Variants in SGMS1 observed in about 807,000 individuals in gnomAD.
SGMS1 encodes phosphatidylcholine:ceramide cholinephosphotransferase 1.
Under a neutral mutation model 46.2 loss-of-function variants are expected in SGMS1, and 13 were observed. The ratio of observed to expected loss-of-function variants is 0.28; its 90% CI spans 0.18 to 0.45. The LOEUF (loss-of-function observed/expected upper bound fraction) is 0.45, where lower values mean the gene tolerates loss of function less well. Ranked by LOEUF, SGMS1 falls within the 20% of genes least tolerant of loss-of-function variation. The pLI, the probability that SGMS1 is intolerant of heterozygous loss-of-function variation, is 1.00. For synonymous variants in SGMS1, 203 were observed against 187.8 expected (o/e 1.08, Z -0.66); for missense variants, 324 against 519.9 (o/e 0.62, Z 3.66).
intron 5 of SGMS1, among the ~76,000 whole-genome samples, chr10:50,445,869 T>C: frequency 6.6e-6 from 1 of 152,116 alleles, no homozygotes. Context: ...AGGAGAAATA[T>C]CACTGAATTC....
At chr10:50,589,678 C>T (rs1037175324) in intron 2 of SGMS1, among the ~76,000 whole-genome samples, 1 of 152,030 alleles carries the variant, frequency 6.6e-6, no homozygotes, top group Non-Finnish European at 1.5e-5. Context: ...CACCTTGTTG[C>T]CTAGGCTGAT....
rs531298950 is a variant in SGMS1 at position 50,326,154 on chromosome 10, AAAAAAAATT to A, written c.741+1042_741+1050del. ...AAGGAAGTAGTGTGTAGCAAAAAAT[AAAAAAAATT>A]AAAAAAATTAAAAAATTAAAAAAAG... On this transcript the variant is annotated intron_variant, in intron 8 of 10. Coordinates refer to ENST00000361781, the MANE Select transcript of SGMS1 (RefSeq NM_147156.4). 7.6e-3 allele frequency among the ~76,000 whole-genome samples: 1,161 copies of A among 152,146 alleles called. 3 individuals are homozygous for A. Among genetic ancestry groups the A allele is most frequent in the Non-Finnish European group, 0.012 (824 of 68,006 alleles).
chr10:50,385,663 A>G (rs1230868003), intron 6 of SGMS1, among the ~76,000 whole-genome samples: 1 of 152,230 alleles, frequency 6.6e-6, no homozygotes, highest in African/African-American at 2.4e-5. Context: ...ATTACAAAAA[A>G]AAAGGTGACT....
At chr10:50,487,868 T>G (rs1837534643) in intron 3 of SGMS1, among the ~76,000 whole-genome samples, 1 of 152,110 alleles carries the variant, frequency 6.6e-6, no homozygotes, top group Non-Finnish European at 1.5e-5. Flanking sequence ...TTTATCCAAT[T>G]GAAGGCCTAA....
chr10:50,518,361 C>G (rs1204924854), intron 3 of SGMS1, among the ~76,000 whole-genome samples: 1 of 152,010 alleles, frequency 6.6e-6, no homozygotes, highest in Non-Finnish European at 1.5e-5. Flanking sequence ...GAATATAAAC[C>G]AACAAGAAGT....
intron 3 of SGMS1, among the ~76,000 whole-genome samples, chr10:50,481,244 C>T (rs1259441421): frequency 6.6e-6 from 1 of 152,228 alleles, no homozygotes; most frequent in Non-Finnish European, 1.5e-5. Flanking sequence ...TGAGACGCCT[C>T]AACAGGGGTC....
At chr10:50,310,477 G>A (rs1037064871) in intron 9 of SGMS1, among the ~76,000 whole-genome samples, 3 of 152,096 alleles carry the variant, frequency 2.0e-5, no homozygotes, top group African/African-American at 7.2e-5. Context: ...TAATTTGAGG[G>A]TAAATAGTGG....
At chr10:50,523,062 C>A (rs1029263521) in intron 2 of SGMS1, among the ~76,000 whole-genome samples, 2 of 152,128 alleles carry the variant, frequency 1.3e-5, no homozygotes, top group African/African-American at 4.8e-5. Flanking sequence ...GAAACCAGGG[C>A]AAATGTGAGT....
At chr10:50,582,622 T>G (rs774423435) in intron 2 of SGMS1, among the ~76,000 whole-genome samples, 9 of 152,230 alleles carry the variant, frequency 5.9e-5, no homozygotes, top group Non-Finnish European at 1.2e-4. Context: ...TATGGCTGAT[T>G]GTCCCAAGCA....
chr10:50,488,488 C>T (rs117793474), intron 3 of SGMS1, among the ~76,000 whole-genome samples: 1 of 152,142 alleles, frequency 6.6e-6, no homozygotes, highest in African/African-American at 2.4e-5. Context: ...CTGTTTTATT[C>T]TTTTGAAGAA....
chr10:50,474,229 A>C (rs1207831878), intron 3 of SGMS1: 1 of 152,252 alleles, frequency 6.6e-6, no homozygotes, highest in Non-Finnish European at 1.5e-5. Flanking sequence ...CCACTGACAT[A>C]TTTAGTAAGG....
intron 6 of SGMS1, among the ~76,000 whole-genome samples, chr10:50,380,285 G>T (rs1181718272): frequency 6.6e-6 from 1 of 151,752 alleles, no homozygotes; most frequent in Non-Finnish European, 1.5e-5. Context: ...GGAGGCTGAG[G>T]CAGGAGAATC....
rs1847175186 is a variant in SGMS1, at chr10:50,305,794, A to G, written c.*1348T>C. On this transcript the variant is annotated 3_prime_UTR_variant, in exon 11 of 11. Coordinates refer to ENST00000361781, the MANE Select transcript of SGMS1 (RefSeq NM_147156.4). The stretch of plus-strand genomic sequence containing the variant: ...AAATATCACCTTGTGAATACACAAA[A>G]AAATCCTACGGAAGATAATTCTGCT... 1 of 152,746 alleles carries G rather than the reference A, an allele frequency of 6.5e-6. No individual in the cohort carries two copies. Among genetic ancestry groups the G allele is most frequent in the African/African-American group, 2.4e-5 (1 of 41,474 alleles). 9.5% of individuals were successfully genotyped at this position (152,746 alleles called of 1,614,324 possible). A position where few individuals can be genotyped will look rare whatever the true frequency, so the allele number is the denominator to read the frequency against.
chr10:50,424,073 TCAGAGC>T (rs993760529), intron 6 of SGMS1, among the ~76,000 whole-genome samples: 5 of 152,154 alleles, frequency 3.3e-5, no homozygotes, highest in Non-Finnish European at 7.3e-5. Flanking sequence ...TCAAGACAAG[TCAGAGC>T]CAGCTGTACA....
chr10:50,435,073 T>C (rs985413238), intron 5 of SGMS1, among the ~76,000 whole-genome samples: 4 of 152,212 alleles, frequency 2.6e-5, no homozygotes, highest in African/African-American at 4.8e-5. Flanking sequence ...TATGGCTTTA[T>C]ATGCCTGGCC....
intron 3 of SGMS1, among the ~76,000 whole-genome samples, chr10:50,489,339 TGGA>T (rs1564926867): frequency 6.6e-6 from 1 of 152,216 alleles, no homozygotes; most frequent in African/African-American, 2.4e-5. Flanking sequence ...CCGAAACATG[TGGA>T]TGCTTTCAAA....
At chr10:50,377,624 T>C (rs563854112) in intron 6 of SGMS1, among the ~76,000 whole-genome samples, 1 of 152,294 alleles carries the variant, frequency 6.6e-6, no homozygotes, top group South Asian at 2.1e-4. Flanking sequence ...GGTTGAGATT[T>C]GGGGGACCTC....
intron 5 of SGMS1, among the ~76,000 whole-genome samples, chr10:50,458,448 C>T (rs1837223591): frequency 6.8e-6 from 1 of 147,630 alleles, no homozygotes; most frequent in Admixed American, 6.9e-5. Context: ...CTCCGCCTCC[C>T]GGGTTCACGC....
chr10:50,381,410 T>A (rs1848603773), intron 6 of SGMS1, among the ~76,000 whole-genome samples: 1 of 152,104 alleles, frequency 6.6e-6, no homozygotes, highest in Admixed American at 6.6e-5. Context: ...GACTACAGCA[T>A]CTTTTGTCTT....
Sources: allele counts gnomAD v4.1 joint callset (sites outside exome capture counted in the v4.1 genomes callset), GRCh38; gene constraint gnomAD v4.1.1; transcripts MANE v1.5; gene names NCBI Gene and HGNC (gene_info 2026-07-23, HGNC 2026-07-21).